KAT2A: variants seen among roughly 807,000 people sequenced by gnomAD.
KAT2A encodes lysine acetyltransferase 2A, also known as histone acetyltransferase KAT2A.
A neutral mutation model predicts 95.2 loss-of-function variants in KAT2A; 42 were observed. The ratio of observed to expected loss-of-function variants is 0.44; its 90% CI spans 0.34 to 0.57. The LOEUF is 0.57. KAT2A is among the 20% of genes least tolerant of loss of function. KAT2A has a pLI of 0.01. For missense variants in KAT2A, 784 were observed against 1,126.3 expected, an observed-to-expected ratio of 0.70 and a Z score of 4.35; for synonymous variants, 449 against 448.2, an observed-to-expected ratio of 1.00 and a Z score of -0.02.
Position 42,120,312 on chromosome 17 carries a change from C to A in KAT2A, c.522G>T (p.Gly174=), listed in dbSNP as rs1555667032. The change falls in exon 3 of 18, where the codon GGG becomes GGT. Residue 174 remains glycine, a synonymous_variant. Coordinates refer to ENST00000225916, the MANE Select transcript of KAT2A (RefSeq NM_021078.3). Reference sequence around the variant, plus strand: ...AGAGATTCTCCACATCCACCACCATCCCCAGCAGTCGGTTTATCTCATCCT... The same window carrying A: ...AGAGATTCTCCACATCCACCACCATACCCAGCAGTCGGTTTATCTCATCCT... ...VSEDEINRLL[G]MVVDVENLFM... is the part of the protein sequence containing the mutation. 1.2e-6 allele frequency: 2 copies of A among 1,614,208 alleles called. No individual in the cohort carries two copies. Among genetic ancestry groups the A allele is most frequent in the African/African-American group, 2.7e-5 (2 of 75,066 alleles).
chr17:42,118,208 C>T, intron 7 of KAT2A, 89 bp downstream of exon 7: 1 of 1,072,610 alleles, frequency 9.3e-7, no homozygotes, highest in Non-Finnish European at 1.4e-6. Context: ...GGATCCAGGG[C>T]CTCCGGCCCA....
At position 42,113,738 on chromosome 17, in the gene KAT2A, G is replaced by A. The variant is rs1555665174; in HGVS notation, c.2425C>T (p.Pro809Ser). The change falls in exon 18 of 18, where the codon CCC becomes TCC. Residue 809 changes from proline to serine, a missense_variant. Coordinates refer to ENST00000225916, the MANE Select transcript of KAT2A (RefSeq NM_021078.3). ...RVIANCREYNPPDSEYCRCAS... is the reference protein window; with the variant it reads ...RVIANCREYNSPDSEYCRCAS... ...CAGCGGCAGTACTCGCTGTCCGGGG[G>A]GTTGTACTCGCGACAGTTGGCGATG... The A allele has an allele frequency of 1.2e-6, 2 of 1,611,322 alleles. No individual in the cohort carries two copies. The highest frequency in any genetic ancestry group is 1.7e-5 in the Admixed American group (1 of 59,056).
In KAT2A at chr17:42,118,036, G is replaced by A. The variant is rs782261259; in HGVS notation, c.1181-19C>T. 11 of 1,332,628 alleles carry A rather than the reference G, an allele frequency of 8.3e-6. 1 individual carries two copies. The highest frequency in any genetic ancestry group is 7.2e-5 in the East Asian group (3 of 41,676). 82.6% of individuals were successfully genotyped at this position (1,332,628 alleles called of 1,614,324 possible). A position where few individuals can be genotyped will look rare whatever the true frequency, so the allele number is the denominator to read the frequency against. ...ACTGAAGCTGAGGAGAGAGAGAGAC[G>A]TCAGGGATGGGGGGCTGAAGCTGAG... On this transcript the variant is annotated intron_variant, in intron 7 of 17. Coordinates refer to ENST00000225916, the MANE Select transcript of KAT2A (RefSeq NM_021078.3).
rs2144037320 is a variant in KAT2A, at chr17:42,117,865, A to G, written c.1291+42T>C. 3 of 1,606,952 alleles carry G rather than the reference A, an allele frequency of 1.9e-6. No homozygotes were observed. In the South Asian group the frequency reaches 3.3e-5, roughly 18 times the overall value. ...TCAGGATCAGTAAAAAAGGTTTGGG[A>G]AGGAGTGAATGAGGGTCAGAGGTCA... On this transcript the variant is annotated intron_variant, in intron 8 of 17. Coordinates refer to ENST00000225916, the MANE Select transcript of KAT2A (RefSeq NM_021078.3). This position sits in a 1 kb window ranked among gnomAD's most constrained non-coding sequence, Gnocchi z 8.9.
chr17:42,118,537 C>T (rs1209080918), intron 6 of KAT2A, 134 bp from the exon 7 acceptor site: 5 of 645,682 alleles, frequency 7.7e-6, no homozygotes, highest in Admixed American at 5.0e-5. Flanking sequence ...GAGGGGACAG[C>T]CCCTGTCTTC....
chr17:42,117,430 G>A lies in KAT2A; in HGVS notation c.1595C>T (p.Pro532Leu). Residue 532 changes from proline to leucine, a missense_variant, in exon 10 of 18, where the codon CCG (proline) becomes CTG (leucine). Physicochemically the swap from Pro to Leu is moderately conservative, Grantham distance 98 (BLOSUM62 -3). Around this residue, in one of 6 missense-constraint regions of KAT2A, gnomAD observed 174 missense variants for 324.9 expected, o/e 0.54. Coordinates refer to ENST00000225916, the MANE Select transcript of KAT2A (RefSeq NM_021078.3). This position sits in a 1 kb window ranked among gnomAD's most constrained non-coding sequence, Gnocchi z 8.9. Reference sequence around the variant, plus strand: ...GGCGATATACTCCTTAGGCATGCGCGGCAGCTGGTGGGAAAAGACATTCTG... The same window carrying A: ...GGCGATATACTCCTTAGGCATGCGCAGCAGCTGGTGGGAAAAGACATTCTG... Reference protein sequence around the residue: ...GLQNVFSHQLPRMPKEYIARL... With the variant: ...GLQNVFSHQLLRMPKEYIARL... 1.2e-6 allele frequency: 2 copies of A among 1,613,558 alleles called. No individual in the cohort carries two copies. Among genetic ancestry groups the A allele is most frequent in the Non-Finnish European group, 1.7e-6 (2 of 1,179,964 alleles).
intron 7 of KAT2A, 22 bp downstream of exon 7, chr17:42,118,275 C>A: frequency 6.4e-7 from 1 of 1,552,336 alleles, no homozygotes; most frequent in Non-Finnish European, 8.9e-7. Context: ...AGACACCCTA[C>A]AGAGCGTACC....
At position 42,115,752 on chromosome 17, in the gene KAT2A, C is replaced by T; in HGVS notation, c.1846G>A (p.Glu616Lys). 1.9e-6 allele frequency: 3 copies of T among 1,613,308 alleles called. No homozygotes were observed. The highest frequency in any genetic ancestry group is 2.5e-6 in the Non-Finnish European group (3 of 1,179,286). ...TTTTTGAAGTAGCCGATGGCGTACT[C>T]GTCGGCGTAGGTGAGGAAGTAGAGA... ...NILYFLTYADEYAIGYFKKQG... is the reference protein window; with the variant it reads ...NILYFLTYADKYAIGYFKKQG... The change falls in exon 12 of 18, where the codon GAG (glutamate) becomes AAG (lysine). Residue 616 changes from glutamate (E) to lysine (K), a missense_variant. By Grantham distance (56) the Glu-to-Lys change is moderately conservative. This residue lies in a region of KAT2A where 174 missense variants were observed against 324.9 expected (regional missense o/e 0.54). Transcript: ENST00000225916.
intron 7 of KAT2A, 51 bp from the exon 8 acceptor site, chr17:42,118,068 G>A: frequency 1.6e-6 from 2 of 1,229,456 alleles, no homozygotes; most frequent in Non-Finnish European, 2.3e-6. Context: ...TGAGGAGAGA[G>A]AGAGAGAAGT....
chr17:42,119,992 A>C lies in KAT2A; in HGVS notation c.699+38T>G, dbSNP rs1555666938. 1 of 1,550,050 alleles carries C rather than the reference A, an allele frequency of 6.5e-7. No homozygotes were observed. On this transcript the variant is annotated intron_variant, in intron 4 of 17. Transcript: ENST00000225916. This position sits in a 1 kb window ranked among gnomAD's most constrained non-coding sequence, Gnocchi z 5.3. ...CTCCCCACTCCTCCAAGCTGTCCCCAATTCTCCTATCCGCTATCTCCAATT... is the reference window on the plus strand; with the variant it reads ...CTCCCCACTCCTCCAAGCTGTCCCCCATTCTCCTATCCGCTATCTCCAATT...
Position 42,119,386 on chromosome 17 carries a change from T to A in KAT2A, c.932A>T (p.Tyr311Phe), listed in dbSNP as rs1555666805. The change falls in exon 6 of 18, where the codon TAC (tyrosine) becomes TTC (phenylalanine). Residue 311 changes from tyrosine (Y) to phenylalanine (F), a missense_variant. Physicochemically the swap from Tyr to Phe is conservative, Grantham distance 22. Transcript: ENST00000225916. This position sits in a 1 kb window ranked among gnomAD's most constrained non-coding sequence, Gnocchi z 5.3. ...VPQSCDSLPR[Y>F]ETTHVFGRSL... ...TCGCCCAAAGACATGAGTGGTTTCG[T>A]AGCGGGGGAGGCTATCACAGCTCTG... is the stretch of plus-strand genomic sequence containing the variant. 1.2e-6 allele frequency: 2 copies of A among 1,613,866 alleles called. No homozygotes were observed. Among genetic ancestry groups the A allele is most frequent in the Non-Finnish European group, 1.7e-6 (2 of 1,179,884 alleles).
At chr17:42,118,540 C>G in intron 6 of KAT2A, 137 bp from the exon 7 acceptor site, 1 of 642,168 alleles carries the variant, frequency 1.6e-6, no homozygotes, top group Non-Finnish European at 2.8e-6. Context: ...GGGACAGCCC[C>G]TGTCTTCTGG....
chr17:42,119,520 C>A lies in KAT2A; in HGVS notation c.881+17G>T. On this transcript the variant is annotated intron_variant, in intron 5 of 17. Coordinates refer to ENST00000225916, the MANE Select transcript of KAT2A (RefSeq NM_021078.3). This position sits in a 1 kb window ranked among gnomAD's most constrained non-coding sequence, Gnocchi z 5.3. The stretch of plus-strand genomic sequence containing the variant: ...GGCCTGCAAGCCTCCCCCGAAGCTG[C>A]CCCTGGCTGGGCCTACCTGGTGTAA... 1.3e-6 allele frequency: 2 copies of A among 1,583,134 alleles called. No homozygotes were observed. Among genetic ancestry groups the A allele is most frequent in the East Asian group, 2.2e-5 (1 of 44,476 alleles).
At position 42,119,105 on chromosome 17, in the gene KAT2A, CTGCCAGGTAGA is replaced by C; in HGVS notation, c.1073+129_1073+139del. 6.7e-7 allele frequency: 1 copy of C among 1,499,706 alleles called. No individual in the cohort carries two copies. Among genetic ancestry groups the C allele is most frequent in the South Asian group, 1.4e-5 (1 of 72,076 alleles). The allele number at this position is 1,499,706 out of a possible 1,614,324, so 92.9% of individuals were successfully genotyped here. On this transcript the variant is annotated intron_variant, in intron 6 of 17. Coordinates refer to ENST00000225916, the MANE Select transcript of KAT2A (RefSeq NM_021078.3). The surrounding 1 kb of genome is among the most constrained non-coding windows in gnomAD (Gnocchi z 5.3). ...AGTTGCTTCTGGGCCATGGGCAAGT[CTGCCAGGTAGA>C]CGCCCAGATCCCAAAAGGCCCATGG... is the stretch of plus-strand genomic sequence containing the variant.
chr17:42,120,389 A>T lies in KAT2A; in HGVS notation c.464-19T>A. The T allele has an allele frequency of 6.2e-7, 1 of 1,613,584 alleles. No homozygotes were observed. The highest frequency in any genetic ancestry group is 8.5e-7 in the Non-Finnish European group (1 of 1,179,512). ...TGGTCAGCTGCAAGACAGATGGCAG[A>T]GTTAGGAAAAATTGATAGAAGAAAT... is the stretch of plus-strand genomic sequence containing the variant. On this transcript the variant is annotated intron_variant, in intron 2 of 17. Transcript: ENST00000225916.
rs375055441 is a variant in KAT2A at position 42,114,339 on chromosome 17, C to T, written c.2171+19G>A. The stretch of plus-strand genomic sequence containing the variant: ...AAGTCCCTCTGCCCCACCCCCAACC[C>T]GGCTCCTTTGACACTCACCCCTTCT... On this transcript the variant is annotated intron_variant, in intron 15 of 17. Coordinates refer to ENST00000225916, the MANE Select transcript of KAT2A (RefSeq NM_021078.3). This position sits in a 1 kb window ranked among gnomAD's most constrained non-coding sequence, Gnocchi z 6.0. 135 of 1,613,886 alleles carry T rather than the reference C, an allele frequency of 8.4e-5. 1 individual carries two copies. Among genetic ancestry groups the T allele is most frequent in the Non-Finnish European group, 1.0e-4 (122 of 1,179,928 alleles).
chr17:42,117,301 G>A lies in KAT2A; in HGVS notation c.1637+87C>T. On this transcript the variant is annotated intron_variant, in intron 10 of 17. Transcript: ENST00000225916. The surrounding 1 kb of genome is among the most constrained non-coding windows in gnomAD (Gnocchi z 8.9). ...ATGAACCTCAGAAGTGGGGAGCAGGGGATCCCCAATTTTGAGGAGTGAAGA... is the reference window on the plus strand; with the variant it reads ...ATGAACCTCAGAAGTGGGGAGCAGGAGATCCCCAATTTTGAGGAGTGAAGA... The A allele has an allele frequency of 1.3e-6, 2 of 1,540,170 alleles. No individual in the cohort carries two copies. Among genetic ancestry groups the A allele is most frequent in the Non-Finnish European group, 8.9e-7 (1 of 1,120,480 alleles).
intron 2 of KAT2A, 40 bp downstream of exon 2, chr17:42,120,666 C>G (rs368894956): frequency 2.9e-5 from 46 of 1,612,816 alleles, no homozygotes; most frequent in South Asian, 2.6e-4. Flanking sequence ...AAGCAGGACC[C>G]AGCACCTGCC....
rs1222512177 is a variant in KAT2A, at chr17:42,113,545, G to A, written c.*104C>T. On this transcript the variant is annotated 3_prime_UTR_variant, in exon 18 of 18. Coordinates refer to ENST00000225916, the MANE Select transcript of KAT2A (RefSeq NM_021078.3). Reference sequence around the variant, plus strand: ...GGTCCGGAGGACCCTTGGCTGGAGTGTCTCAAGCTGAGTCGGGTCCGTGGG... The same window carrying A: ...GGTCCGGAGGACCCTTGGCTGGAGTATCTCAAGCTGAGTCGGGTCCGTGGG... 6 of 1,125,358 alleles carry A rather than the reference G, an allele frequency of 5.3e-6. No individual in the cohort carries two copies. In the African/African-American group the frequency reaches 9.5e-5, roughly 18 times the overall value. The allele number at this position is 1,125,358 out of a possible 1,614,324, so 69.7% of individuals were successfully genotyped here. A position where few individuals can be genotyped will look rare whatever the true frequency, so the allele number is the denominator to read the frequency against.
Sources: allele counts gnomAD v4.1 joint callset, GRCh38; gene constraint gnomAD v4.1.1; regional missense constraint gnomAD v4.1.1; non-coding constraint Gnocchi (gnomAD v3.1); transcripts MANE v1.5; gene names NCBI Gene and HGNC (gene_info 2026-07-23, HGNC 2026-07-21).